Variants in TNFAIP8L3 observed in about 807,000 individuals in gnomAD.
TNFAIP8L3 encodes the protein TNF alpha induced protein 8 like 3.
A neutral mutation model predicts 11.8 loss-of-function variants in TNFAIP8L3; 7 were observed. That is an observed-to-expected ratio of 0.59 (90% CI 0.34 to 1.11). The LOEUF (loss-of-function observed/expected upper bound fraction) is 1.11. TNFAIP8L3 is among the 50% of genes most tolerant of loss of function. TNFAIP8L3 has a pLI of 0.03. For missense variants in TNFAIP8L3, 219 were observed against 258.6 expected, an observed-to-expected ratio of 0.85 and a Z score of 1.05; for synonymous variants, 98 against 103.8, an observed-to-expected ratio of 0.94 and a Z score of 0.34.
At chr15:51,091,717 C>CAT (rs1555468557) in intron 1 of TNFAIP8L3, among the ~76,000 whole-genome samples, 1 of 148,954 alleles carries the variant, frequency 6.7e-6, no homozygotes, top group Non-Finnish European at 1.5e-5. Flanking sequence ...CACACACACA[C>CAT]GTGCACACAC....
intron 1 of TNFAIP8L3, among the ~76,000 whole-genome samples, chr15:51,103,411 A>G (rs549883403): frequency 1.3e-5 from 2 of 152,194 alleles, no homozygotes; most frequent in African/African-American, 4.8e-5. Flanking sequence ...TTTCATTTCA[A>G]ATCATTAACA....
chr15:51,057,218 G>A lies in TNFAIP8L3; in HGVS notation c.*663C>T, dbSNP rs574633237. 3.3e-5 allele frequency: 5 copies of A among 152,206 alleles called. No individual in the cohort carries two copies. The highest frequency in any genetic ancestry group is 1.9e-4 in the East Asian group (1 of 5,176). 9.4% of individuals were successfully genotyped at this position (152,206 alleles called of 1,614,324 possible). A position where few individuals can be genotyped will look rare whatever the true frequency, so the allele number is the denominator to read the frequency against. ...AGCCACCATGCCTGGCCAAAAAGAC[G>A]ACTCTTGAAACACATTTTTCCAATT... On this transcript the variant is annotated 3_prime_UTR_variant, in exon 2 of 2. Coordinates refer to ENST00000637513, the MANE Select transcript of TNFAIP8L3 (RefSeq NM_001311175.2).
intron 1 of TNFAIP8L3, among the ~76,000 whole-genome samples, chr15:51,088,540 C>A (rs914356978): frequency 1.3e-5 from 2 of 152,188 alleles, no homozygotes; most frequent in African/African-American, 4.8e-5. Context: ...ACTATCACAG[C>A]ACCTGGCACC....
At position 51,058,034 on chromosome 15, in the gene TNFAIP8L3, C is replaced by T. The variant is rs758972770; in HGVS notation, c.462G>A (p.Thr154=). 8 of 1,614,154 alleles carry T rather than the reference C, an allele frequency of 5.0e-6. No individual in the cohort carries two copies. Among genetic ancestry groups the T allele is most frequent in the Admixed American group, 3.3e-5 (2 of 60,020 alleles). Residue 154 remains threonine, a synonymous_variant, in exon 2 of 2, where the codon ACG becomes ACA. Coordinates refer to ENST00000637513, the MANE Select transcript of TNFAIP8L3 (RefSeq NM_001311175.2). ...LVHELVQRHL[T]PRTHGRINHV... ...GGTTGATGCGCCCGTGGGTCCTGGG[C>T]GTCAGGTGCCGCTGCACCAGTTCAT... is the stretch of plus-strand genomic sequence containing the variant.
upstream of TNFAIP8L3, among the ~76,000 whole-genome samples, chr15:51,097,356 C>A (rs1332555954): frequency 1.3e-5 from 2 of 152,170 alleles, no homozygotes; most frequent in African/African-American, 2.4e-5. Flanking sequence ...GTCGTCAGGT[C>A]TTCATTAAGT....
upstream of TNFAIP8L3, among the ~76,000 whole-genome samples, chr15:51,095,017 G>T (rs1285416693): frequency 6.6e-6 from 1 of 152,054 alleles, no homozygotes; most frequent in African/African-American, 2.4e-5. Flanking sequence ...AGGTTGTGCT[G>T]GTCTGCAAGG....
At chr15:51,083,227 T>C (rs2065404584) in intron 1 of TNFAIP8L3, among the ~76,000 whole-genome samples, 1 of 152,140 alleles carries the variant, frequency 6.6e-6, no homozygotes, top group Non-Finnish European at 1.5e-5. Context: ...TTCAGTCTAA[T>C]TCCTTCAGAA....
At chr15:51,097,200 AG>A (rs1180650085), upstream of TNFAIP8L3, among the ~76,000 whole-genome samples, 1 of 152,148 alleles carries the variant, frequency 6.6e-6, no homozygotes, top group Non-Finnish European at 1.5e-5. Context: ...TTTAATGGAC[AG>A]GTAGCCTGGG....
At position 51,094,779 on chromosome 15, in the gene TNFAIP8L3, C is replaced by T. The variant is rs1419025579; in HGVS notation, c.-184G>A. The T allele has an allele frequency of 1.2e-6, 1 of 857,620 alleles. No homozygotes were observed. The highest frequency in any genetic ancestry group is 5.3e-5 in the South Asian group (1 of 18,830). 53.1% of individuals were successfully genotyped at this position (857,620 alleles called of 1,614,324 possible). A position where few individuals can be genotyped will look rare whatever the true frequency, so the allele number is the denominator to read the frequency against. ...TCCGCAGAGGCGAGCGCCGCCGCGC[C>T]CCGCTCCCCGCGCCCGCCGGCCGGT... On this transcript the variant is annotated 5_prime_UTR_variant, in exon 1 of 2. Transcript: ENST00000637513. The surrounding 1 kb of genome is among the most constrained non-coding windows in gnomAD (Gnocchi z 4.4).
Position 51,068,053 on chromosome 15 carries a change from T to C in TNFAIP8L3, c.53-9610A>G, listed in dbSNP as rs144331189. ...ATTTCCCGAAGGCAGTAGGAAGCCA[T>C]GGCAATTAGAAAGATAGTTAAATGC... On this transcript the variant is annotated intron_variant, in intron 1 of 1. Transcript: ENST00000637513. Among the ~76,000 whole-genome samples, 49 of 152,352 alleles carry C rather than the reference T, an allele frequency of 3.2e-4. 1 individual carries two copies. In the South Asian group the frequency reaches 5.2e-3, roughly 16 times the overall value.
upstream of TNFAIP8L3, among the ~76,000 whole-genome samples, chr15:51,097,106 A>G (rs1448419439): frequency 8.5e-5 from 13 of 152,212 alleles, no homozygotes; most frequent in Admixed American, 6.5e-4. Context: ...CCTAGATTCA[A>G]TAACAGGAAA....
chr15:51,094,961 C>T (rs1164581334), upstream of TNFAIP8L3, among the ~76,000 whole-genome samples: 1 of 151,860 alleles, frequency 6.6e-6, no homozygotes, highest in East Asian at 1.9e-4. The surrounding 1 kb of genome is among the most constrained non-coding windows in gnomAD (Gnocchi z 4.4). Context: ...CCGCGCCTCC[C>T]TACCCGCGCC....
chr15:51,077,749 C>T (rs1238404119), intron 1 of TNFAIP8L3, among the ~76,000 whole-genome samples: 4 of 152,210 alleles, frequency 2.6e-5, no homozygotes, highest in African/African-American at 9.7e-5. Context: ...TATGCACATG[C>T]GCACTGGGGG....
intron 1 of TNFAIP8L3, among the ~76,000 whole-genome samples, chr15:51,070,011 T>G (rs1175411162): frequency 6.6e-6 from 1 of 152,254 alleles, no homozygotes; most frequent in East Asian, 1.9e-4. Context: ...GCCAGTCTTA[T>G]GTGATAGAAC....
chr15:51,085,081 T>C (rs1018371314), intron 1 of TNFAIP8L3, among the ~76,000 whole-genome samples: 1 of 152,206 alleles, frequency 6.6e-6, no homozygotes, highest in Non-Finnish European at 1.5e-5. Context: ...AAGTTGACCC[T>C]GTATAAATTT....
Position 51,094,507 on chromosome 15 carries a change from C to A in TNFAIP8L3, c.52+37G>T. 6.8e-7 allele frequency: 1 copy of A among 1,462,136 alleles called. No individual in the cohort carries two copies. Among genetic ancestry groups the A allele is most frequent in the Non-Finnish European group, 9.0e-7 (1 of 1,110,170 alleles). The allele number at this position is 1,462,136 out of a possible 1,614,324, so 90.6% of individuals were successfully genotyped here. On this transcript the variant is annotated intron_variant, in intron 1 of 1. Transcript: ENST00000637513. The surrounding 1 kb of genome is among the most constrained non-coding windows in gnomAD (Gnocchi z 4.4). The stretch of plus-strand genomic sequence containing the variant: ...CCCAGCCTCCCGTCCTCCCCAGCCC[C>A]AGCCCACCCGCCTGGGCCGTCGCGG...
chr15:51,099,839 A>G (rs1179605689), upstream of TNFAIP8L3, among the ~76,000 whole-genome samples: 1 of 152,226 alleles, frequency 6.6e-6, no homozygotes, highest in African/African-American at 2.4e-5. Context: ...AGCGGCAACT[A>G]GAGTCTTTGT....
At chr15:51,073,378 C>T (rs931869010) in intron 1 of TNFAIP8L3, among the ~76,000 whole-genome samples, 1 of 152,154 alleles carries the variant, frequency 6.6e-6, no homozygotes, top group Non-Finnish European at 1.5e-5. Flanking sequence ...TCTTCTGTGT[C>T]CTTCAATTAT....
intron 1 of TNFAIP8L3, among the ~76,000 whole-genome samples, chr15:51,066,468 T>C (rs961871448): frequency 6.6e-6 from 1 of 152,164 alleles, no homozygotes; most frequent in Non-Finnish European, 1.5e-5. Flanking sequence ...TGGCCTGAAC[T>C]TGAACTTTCA....
Sources: allele counts gnomAD v4.1 joint callset (sites outside exome capture counted in the v4.1 genomes callset), GRCh38; gene constraint gnomAD v4.1.1; non-coding constraint Gnocchi (gnomAD v3.1); transcripts MANE v1.5; gene names NCBI Gene and HGNC (gene_info 2026-07-23, HGNC 2026-07-21).